The following ADAM18 variants were observed in gnomAD, a reference collection of about 807,000 sequenced individuals.
ADAM18 encodes the protein disintegrin and metalloproteinase domain-containing protein 18.
Under a neutral mutation model 94.4 loss-of-function variants are expected in ADAM18, and 117 were observed. That is an observed-to-expected ratio of 1.24 (90% CI 1.07 to 1.45). ADAM18 has a LOEUF of 1.45. ADAM18 is among the 40% of genes most tolerant of loss of function. The pLI is 0.00. For synonymous variants in ADAM18, 327 were observed against 291.6 expected, an observed-to-expected ratio of 1.12 and a Z score of -1.24; for missense variants, 936 against 880.0, an observed-to-expected ratio of 1.06 and a Z score of -0.81.
chr8:39,702,345 T>A (rs78903996), intron 17 of ADAM18, among the ~76,000 whole-genome samples: 1,856 of 152,260 alleles, frequency 0.012, 29 homozygotes, highest in African/African-American at 0.041. Flanking sequence ...GGGTTTTTTT[T>A]CTTCTTCTTG....
chr8:39,679,259 T>C (rs1821377397), intron 15 of ADAM18, among the ~76,000 whole-genome samples: 1 of 152,308 alleles, frequency 6.6e-6, no homozygotes, highest in East Asian at 1.9e-4. Context: ...ACATGTTCAA[T>C]AGAGACAGAT....
rs1458660033 is a variant in ADAM18 at position 39,668,099 on chromosome 8, T to C, written c.1428T>C (p.Tyr476=). 2 of 1,614,178 alleles carry C rather than the reference T, an allele frequency of 1.2e-6. No homozygotes were observed. Among genetic ancestry groups the C allele is most frequent in the East Asian group, 2.2e-5 (1 of 44,878 alleles). The change falls in exon 14 of 20, where the codon TAT becomes TAC. Residue 476 remains tyrosine (Y), a synonymous_variant. Coordinates refer to ENST00000265707, the MANE Select transcript of ADAM18 (RefSeq NM_014237.3). The part of the protein sequence containing the change: ...GTSSNCVPDT[Y]ALNGRLCKLG... The stretch of plus-strand genomic sequence containing the variant: ...CTAGTAATTGTGTTCCTGACACTTA[T>C]GCATTGAATGGCCGTTTGTGCAAGT...
At chr8:39,619,364 A>G (rs1819539543) in intron 6 of ADAM18, among the ~76,000 whole-genome samples, 2 of 152,222 alleles carry the variant, frequency 1.3e-5, no homozygotes, top group Non-Finnish European at 2.9e-5. Flanking sequence ...TTCAGAATTC[A>G]CATGTTTTTC....
intron 2 of ADAM18, chr8:39,604,840 G>A (rs1295883933): frequency 1.3e-5 from 2 of 152,090 alleles, no homozygotes; most frequent in African/African-American, 2.4e-5. Flanking sequence ...GGTTTTCTCA[G>A]GAGTGATTTG....
At chr8:39,647,697 T>G (rs1481737887) in intron 11 of ADAM18, among the ~76,000 whole-genome samples, 1 of 152,192 alleles carries the variant, frequency 6.6e-6, no homozygotes, top group Non-Finnish European at 1.5e-5. Context: ...CCGCAGTGCA[T>G]TGTGCCCCTG....
At chr8:39,622,048 A>T (rs982708729) in intron 6 of ADAM18, among the ~76,000 whole-genome samples, 10 of 152,166 alleles carry the variant, frequency 6.6e-5, no homozygotes, top group African/African-American at 2.2e-4. Flanking sequence ...TATGTAACAG[A>T]CCTGCATGTC....
chr8:39,638,009 G>T (rs891084091), intron 9 of ADAM18, among the ~76,000 whole-genome samples: 2 of 151,846 alleles, frequency 1.3e-5, no homozygotes, highest in South Asian at 2.1e-4. Context: ...TAAAAACGGA[G>T]ACTATTCAGT....
chr8:39,662,463 T>A (rs1310076819), intron 12 of ADAM18, among the ~76,000 whole-genome samples: 1 of 152,170 alleles, frequency 6.6e-6, no homozygotes, highest in African/African-American at 2.4e-5. Flanking sequence ...TTAAGAAGAA[T>A]CCTGCCTTTA....
chr8:39,627,982 T>C (rs1178347965), intron 6 of ADAM18, among the ~76,000 whole-genome samples: 1 of 152,124 alleles, frequency 6.6e-6, no homozygotes, highest in East Asian at 1.9e-4. Context: ...AAACTTAGTT[T>C]TGCTGGCTAT....
chr8:39,585,806 TCA>T (rs1280092407), intron 2 of ADAM18, among the ~76,000 whole-genome samples: 1 of 152,118 alleles, frequency 6.6e-6, no homozygotes, highest in Non-Finnish European at 1.5e-5. Flanking sequence ...AATAAAAATA[TCA>T]CATTTGCCCT....
intron 7 of ADAM18, among the ~76,000 whole-genome samples, chr8:39,635,991 TAACC>T (rs1470557383): frequency 3.3e-5 from 5 of 151,166 alleles, no homozygotes; most frequent in Non-Finnish European, 7.4e-5. Context: ...TAAATATCTG[TAACC>T]ATTAAGTTTT....
intron 2 of ADAM18, 90 bp from the exon 3 acceptor site, chr8:39,606,217 T>A: frequency 1.5e-6 from 1 of 683,098 alleles, no homozygotes; most frequent in Non-Finnish European, 2.5e-6. Flanking sequence ...TTTTAATAGA[T>A]AGACTCTTTT....
At chr8:39,649,685 TCAGAGA>T (rs1585938297) in intron 12 of ADAM18, among the ~76,000 whole-genome samples, 2 of 152,210 alleles carry the variant, frequency 1.3e-5, no homozygotes, top group East Asian at 3.8e-4. Flanking sequence ...GTTTCAAATA[TCAGAGA>T]CATTCTGCTG....
chr8:39,623,146 GAAT>G (rs1819661561), intron 6 of ADAM18, among the ~76,000 whole-genome samples: 1 of 152,102 alleles, frequency 6.6e-6, no homozygotes, highest in South Asian at 2.1e-4. Flanking sequence ...ACTTCACTTA[GAAT>G]AATGGCCTCC....
chr8:39,616,103 G>T (rs1434234124), intron 6 of ADAM18, among the ~76,000 whole-genome samples: 1 of 152,060 alleles, frequency 6.6e-6, no homozygotes, highest in Non-Finnish European at 1.5e-5. Context: ...AGGAAGGAAG[G>T]ATCAATATTG....
intron 19 of ADAM18, among the ~76,000 whole-genome samples, chr8:39,729,475 GA>G (rs907481729): frequency 1.3e-5 from 2 of 151,878 alleles, no homozygotes; most frequent in African/African-American, 2.4e-5. Flanking sequence ...TATTAATGGG[GA>G]AAAAAATAAA....
chr8:39,641,332 A>G (rs367749652), intron 10 of ADAM18, among the ~76,000 whole-genome samples: 14 of 151,868 alleles, frequency 9.2e-5, no homozygotes, highest in African/African-American at 3.4e-4. Flanking sequence ...TGGGTTCTCT[A>G]TTTTGTTCTA....
chr8:39,624,102 G>A (rs938091795), intron 6 of ADAM18, among the ~76,000 whole-genome samples: 2 of 151,988 alleles, frequency 1.3e-5, no homozygotes, highest in Admixed American at 1.3e-4. Context: ...CCTTCTTTAG[G>A]TTGTCTGTTT....
intron 14 of ADAM18, 108 bp from the exon 15 acceptor site, chr8:39,677,323 A>G (rs1821326612): frequency 1.2e-6 from 1 of 856,974 alleles, no homozygotes; most frequent in African/African-American, 1.8e-5. Flanking sequence ...CAAAAGCATG[A>G]TCAACAAGTA....
Sources: gnomAD v4.1 joint callset for allele counts (sites outside exome capture counted in the v4.1 genomes callset) on GRCh38, gnomAD v4.1.1 for gene constraint, MANE v1.5 for transcripts, NCBI Gene and HGNC (gene_info 2026-07-23, HGNC 2026-07-21) for gene names.